DCC: variants seen among roughly 807,000 people sequenced by gnomAD.
DCC encodes the protein netrin receptor DCC.
A neutral mutation model predicts 172.5 loss-of-function variants in DCC; 58 were observed. The observed-to-expected ratio is 0.34, with a 90% CI of 0.27 to 0.42. The LOEUF (loss-of-function observed/expected upper bound fraction) is 0.42, where lower values mean the gene tolerates loss of function less well. Ranked by LOEUF, DCC falls within the 10% of genes least tolerant of loss-of-function variation. DCC has a pLI of 1.00. For missense variants in DCC, 1,740 were observed against 1,791.0 expected, an observed-to-expected ratio of 0.97 and a Z score of 0.51; for synonymous variants, 709 against 644.5, an observed-to-expected ratio of 1.10 and a Z score of -1.52.
chr18:52,792,977 T>C (rs2037805062), intron 2 of DCC, among the ~76,000 whole-genome samples: 1 of 152,138 alleles, frequency 6.6e-6, no homozygotes, highest in African/African-American at 2.4e-5. Context: ...CAGACACATG[T>C]GGGTGGGTTA....
At chr18:52,344,829 T>C (rs1259875563) in intron 1 of DCC, among the ~76,000 whole-genome samples, 3 of 152,194 alleles carry the variant, frequency 2.0e-5, no homozygotes, top group Non-Finnish European at 4.4e-5. Flanking sequence ...TTAAAGAGAA[T>C]GCAGTTGTTT....
intron 1 of DCC, among the ~76,000 whole-genome samples, chr18:52,423,601 G>A (rs1231392352): frequency 6.6e-6 from 1 of 152,082 alleles, no homozygotes; most frequent in Non-Finnish European, 1.5e-5. Context: ...GGGAATGAGA[G>A]AGCAAATTCT....
At chr18:53,180,830 C>G (rs946863333) in intron 9 of DCC, among the ~76,000 whole-genome samples, 6 of 152,040 alleles carry the variant, frequency 3.9e-5, no homozygotes, top group Non-Finnish European at 7.4e-5. Context: ...CCAGGCTGGT[C>G]TCGAACTCCT....
At chr18:53,081,344 T>TA (rs2144135988) in intron 7 of DCC, among the ~76,000 whole-genome samples, 1 of 152,206 alleles carries the variant, frequency 6.6e-6, no homozygotes, top group African/African-American at 2.4e-5. Flanking sequence ...CTCATGTTGA[T>TA]AAAAATGAAT....
intron 1 of DCC, among the ~76,000 whole-genome samples, chr18:52,743,021 A>G (rs1332753113): frequency 6.6e-6 from 1 of 152,202 alleles, no homozygotes; most frequent in Non-Finnish European, 1.5e-5. Context: ...ATTATGATAT[A>G]TGATTTTATG....
At chr18:52,456,031 T>C (rs552162865) in intron 1 of DCC, among the ~76,000 whole-genome samples, 1 of 152,314 alleles carries the variant, frequency 6.6e-6, no homozygotes, top group Admixed American at 6.5e-5. Flanking sequence ...GCTTTGCTGG[T>C]GCTCTAAGCC....
intron 5 of DCC, among the ~76,000 whole-genome samples, chr18:53,035,880 C>T (rs2042085903): frequency 6.7e-6 from 1 of 149,000 alleles, no homozygotes; most frequent in South Asian, 2.2e-4. Context: ...TACATATTTG[C>T]ATACTTGTTG....
intron 1 of DCC, among the ~76,000 whole-genome samples, chr18:52,709,376 T>C (rs1252115132): frequency 1.3e-5 from 2 of 152,102 alleles, no homozygotes; most frequent in Non-Finnish European, 1.5e-5. Context: ...ATATTAAAAA[T>C]TAGAACACAT....
At chr18:53,388,409 C>A (rs1908317827) in intron 16 of DCC, among the ~76,000 whole-genome samples, 1 of 152,206 alleles carries the variant, frequency 6.6e-6, no homozygotes, top group Non-Finnish European at 1.5e-5. Flanking sequence ...CAGTCTCGAA[C>A]AAGGGCCCGT....
chr18:53,391,930 A>G, intron 17 of DCC, 43 bp downstream of exon 17: 2 of 1,183,782 alleles, frequency 1.7e-6, no homozygotes, highest in Non-Finnish European at 2.5e-6. Context: ...ATGAACTGAC[A>G]TTTGTTTAAC....
At chr18:52,685,427 T>C (rs1429557854) in intron 1 of DCC, among the ~76,000 whole-genome samples, 1 of 152,126 alleles carries the variant, frequency 6.6e-6, no homozygotes, top group Non-Finnish European at 1.5e-5. Context: ...ATATGGTTTG[T>C]CCCCATCAAA....
chr18:52,638,840 C>T (rs1271521365), intron 1 of DCC, among the ~76,000 whole-genome samples: 1 of 152,102 alleles, frequency 6.6e-6, no homozygotes, highest in Non-Finnish European at 1.5e-5. Context: ...TTAAACTATA[C>T]CTTGGAACAA....
intron 5 of DCC, among the ~76,000 whole-genome samples, chr18:53,036,193 A>C (rs1171653462): frequency 6.6e-6 from 1 of 152,036 alleles, no homozygotes. Context: ...AGATTCTAAA[A>C]ATCTTTTCCC....
intron 12 of DCC, among the ~76,000 whole-genome samples, chr18:53,302,665 A>G (rs978036319): frequency 6.6e-6 from 1 of 152,118 alleles, no homozygotes; most frequent in Non-Finnish European, 1.5e-5. Flanking sequence ...ATATCCCTAT[A>G]CTGTCCTTAG....
In DCC at chr18:52,949,376, C is replaced by G. The variant is rs115985631; in HGVS notation, c.985+24006C>G. Among the ~76,000 whole-genome samples the G allele has an allele frequency of 4.4e-3, 673 of 152,314 alleles. 13 individuals are homozygous for G. The highest frequency in any genetic ancestry group is 0.026 in the East Asian group (135 of 5,174). On this transcript the variant is annotated intron_variant, in intron 5 of 28. Transcript: ENST00000442544. ...CATTTCTTGGAAATGGGAAAAGGCT[C>G]TTCCTCCTTCCCCTCCTGCCCCTAC... is the stretch of plus-strand genomic sequence containing the variant.
intron 2 of DCC, among the ~76,000 whole-genome samples, chr18:52,820,845 T>C (rs991420336): frequency 7.2e-5 from 11 of 152,114 alleles, no homozygotes; most frequent in African/African-American, 2.2e-4. Context: ...GGTAGAACAC[T>C]GGAAAACGAA....
chr18:52,914,945 A>C (rs2145468029), intron 3 of DCC, among the ~76,000 whole-genome samples: 1 of 152,260 alleles, frequency 6.6e-6, no homozygotes, highest in African/African-American at 2.4e-5. Context: ...AATGTGTTTG[A>C]TATTCCATGG....
intron 2 of DCC, among the ~76,000 whole-genome samples, chr18:52,902,904 C>A (rs1050577041): frequency 1.3e-5 from 2 of 152,188 alleles, no homozygotes; most frequent in South Asian, 2.1e-4. Flanking sequence ...AATTTTCAAA[C>A]ATTGCATTGT....
intron 1 of DCC, among the ~76,000 whole-genome samples, chr18:52,509,894 G>A (rs573208605): frequency 3.3e-5 from 5 of 152,136 alleles, no homozygotes; most frequent in Admixed American, 2.0e-4. Flanking sequence ...CCGGAGGTCC[G>A]GAGTTCGAGA....
Sources: gnomAD v4.1 joint callset for allele counts (sites outside exome capture counted in the v4.1 genomes callset) on GRCh38, gnomAD v4.1.1 for gene constraint, MANE v1.5 for transcripts, NCBI Gene and HGNC (gene_info 2026-07-23, HGNC 2026-07-21) for gene names.